Variants in PTBP2 observed in about 807,000 individuals in gnomAD.
PTBP2 encodes polypyrimidine tract binding protein 2.
A neutral mutation model predicts 61.4 loss-of-function variants in PTBP2; 13 were observed. The observed-to-expected ratio is 0.21, with a 90% CI of 0.14 to 0.34. The LOEUF (loss-of-function observed/expected upper bound fraction) is 0.34, where lower values mean the gene tolerates loss of function less well. Among genes scored for constraint, PTBP2 ranks in the 10% least tolerant of loss-of-function variants. The pLI is 1.00. For missense variants in PTBP2, 405 were observed against 642.6 expected (o/e 0.63, Z 4.00); for synonymous variants, 215 against 218.5 (o/e 0.98, Z 0.14).
At chr1:96,821,673 G>C (rs1447798278) in exon 14 of PTBP2, 1 of 151,948 alleles carries the variant, frequency 6.6e-6, no homozygotes, top group Non-Finnish European at 1.5e-5. Context: ...CTGTCACCCA[G>C]GCTGGAGTGC....
chr1:96,753,105 G>A (rs1304690131), intron 3 of PTBP2, among the ~76,000 whole-genome samples: 1 of 152,162 alleles, frequency 6.6e-6, no homozygotes, highest in Non-Finnish European at 1.5e-5. Flanking sequence ...GCAGAATTTA[G>A]TATGGTCATT....
At chr1:96,801,855 C>G (rs1206971901) in intron 8 of PTBP2, among the ~76,000 whole-genome samples, 1 of 140,446 alleles carries the variant, frequency 7.1e-6, no homozygotes, top group African/African-American at 2.7e-5. Flanking sequence ...GAGCAAGACT[C>G]CATCTCAAAA....
intron 2 of PTBP2, among the ~76,000 whole-genome samples, chr1:96,748,512 A>G (rs1311776350): frequency 6.6e-6 from 1 of 151,726 alleles, no homozygotes; most frequent in Non-Finnish European, 1.5e-5. Flanking sequence ...TTTCTGTGGG[A>G]TGTTAGTTTC....
intron 3 of PTBP2, among the ~76,000 whole-genome samples, chr1:96,764,023 A>G (rs1250142942): frequency 2.0e-5 from 3 of 152,206 alleles, no homozygotes; most frequent in African/African-American, 4.8e-5. Context: ...ATAGTACAGG[A>G]TTTCATTTTT....
intron 3 of PTBP2, among the ~76,000 whole-genome samples, chr1:96,755,713 A>G (rs1655074239): frequency 6.6e-6 from 1 of 152,200 alleles, no homozygotes; most frequent in Non-Finnish European, 1.5e-5. Flanking sequence ...CAATTATGTT[A>G]TGTAAAAGAT....
At chr1:96,740,716 A>G (rs1652884443) in intron 2 of PTBP2, among the ~76,000 whole-genome samples, 1 of 152,118 alleles carries the variant, frequency 6.6e-6, no homozygotes, top group African/African-American at 2.4e-5. Flanking sequence ...TGTTTAAACT[A>G]TAGATGTACT....
intron 5 of PTBP2, among the ~76,000 whole-genome samples, chr1:96,774,387 T>C (rs983532595): frequency 6.6e-6 from 1 of 152,152 alleles, no homozygotes; most frequent in Non-Finnish European, 1.5e-5. Context: ...TTTGGTTCCA[T>C]TCATTTTCTG....
chr1:96,748,895 G>T (rs1230188082), intron 2 of PTBP2, among the ~76,000 whole-genome samples: 1 of 152,128 alleles, frequency 6.6e-6, no homozygotes, highest in Non-Finnish European at 1.5e-5. Flanking sequence ...GGGCATAATA[G>T]TGGTAAGCTT....
rs189638624 is a variant in PTBP2, at chr1:96,778,702, C to T, written c.708+756C>T. On this transcript the variant is annotated intron_variant, in intron 7 of 13. Coordinates refer to ENST00000674951, the MANE Select transcript of PTBP2 (RefSeq NM_021190.4). The stretch of plus-strand genomic sequence containing the variant: ...ATTATGAAACCATTTAATAAGCTTA[C>T]ATTTATCTTAACTGGTTTTCTTCCT... 6.6e-5 allele frequency among the ~76,000 whole-genome samples: 10 copies of T among 152,130 alleles called. No homozygotes were observed. In the East Asian group the frequency reaches 1.7e-3, roughly 26 times the overall value.
In PTBP2 at chr1:96,812,849, C is replaced by T. The variant is rs1205521774; in HGVS notation, c.1309C>T (p.His437Tyr). Reference sequence around the variant, plus strand: ...AAAAGATTTTGGTAATTCCCCATTGCATCGTTTTAAGAAACCTGGATCCAA... The same window carrying T: ...AAAAGATTTTGGTAATTCCCCATTGTATCGTTTTAAGAAACCTGGATCCAA... ...LTKDFGNSPLHRFKKPGSKNF... is the reference protein window; with the variant it reads ...LTKDFGNSPLYRFKKPGSKNF... Residue 437 changes from histidine (H) to tyrosine (Y), a missense_variant, in exon 12 of 14, where the codon CAT becomes TAT. Physicochemically the swap from His to Tyr is moderately conservative, Grantham distance 83. This residue lies in a region of PTBP2 where 18 missense variants were observed against 69.6 expected (regional missense o/e 0.26). Coordinates refer to ENST00000674951, the MANE Select transcript of PTBP2 (RefSeq NM_021190.4). 6.2e-7 allele frequency: 1 copy of T among 1,613,712 alleles called. No individual in the cohort carries two copies. Among genetic ancestry groups the T allele is most frequent in the Admixed American group, 1.7e-5 (1 of 59,982 alleles).
At chr1:96,763,890 T>C (rs1656347138) in intron 3 of PTBP2, among the ~76,000 whole-genome samples, 1 of 152,158 alleles carries the variant, frequency 6.6e-6, no homozygotes, top group Admixed American at 6.5e-5. Context: ...TAAGAGCAAA[T>C]AGCATAAAAG....
At chr1:96,820,079 AAG>A (rs1662634352) in exon 14 of PTBP2, 1 of 151,960 alleles carries the variant, frequency 6.6e-6, no homozygotes, top group African/African-American at 2.4e-5. Flanking sequence ...ACATTGACAT[AAG>A]AGACATTTAA....
chr1:96,788,311 T>C (rs1423757109), intron 8 of PTBP2, among the ~76,000 whole-genome samples: 1 of 152,092 alleles, frequency 6.6e-6, no homozygotes, highest in Non-Finnish European at 1.5e-5. Context: ...GAAAAGTATT[T>C]TTCAATAATC....
intron 3 of PTBP2, among the ~76,000 whole-genome samples, chr1:96,768,083 A>G (rs927735396): frequency 2.0e-5 from 3 of 152,074 alleles, no homozygotes; most frequent in African/African-American, 7.2e-5. Flanking sequence ...CTGATCATCC[A>G]ATAAAGTCAT....
intron 8 of PTBP2, among the ~76,000 whole-genome samples, chr1:96,802,377 G>A (rs1378161369): frequency 6.6e-6 from 1 of 152,112 alleles, no homozygotes; most frequent in Non-Finnish European, 1.5e-5. Context: ...GAGATACAGA[G>A]TATTTTAATG....
chr1:96,806,531 T>G (rs988911025), intron 10 of PTBP2, 79 bp downstream of exon 10: 3 of 1,459,790 alleles, frequency 2.1e-6, no homozygotes, highest in Non-Finnish European at 2.9e-6. Context: ...AGCTAGCACT[T>G]TGGCTTAAAG....
At chr1:96,783,149 C>T (rs1658876154) in intron 7 of PTBP2, among the ~76,000 whole-genome samples, 1 of 151,912 alleles carries the variant, frequency 6.6e-6, no homozygotes, top group South Asian at 2.1e-4. Flanking sequence ...TTGAAGTGAG[C>T]TTGCATATAT....
At chr1:96,757,934 C>G (rs966816547) in intron 3 of PTBP2, among the ~76,000 whole-genome samples, 2 of 151,740 alleles carry the variant, frequency 1.3e-5, no homozygotes, top group African/African-American at 4.8e-5. Flanking sequence ...CTTCAAATAC[C>G]TATATTACAA....
Position 96,723,806 on chromosome 1 carries a change from G to A in PTBP2, c.39+212G>A, listed in dbSNP as rs1024650926. Among the ~76,000 whole-genome samples, 5 of 152,156 alleles carry A rather than the reference G, an allele frequency of 3.3e-5. 1 individual carries two copies. In the South Asian group the frequency reaches 1.0e-3, roughly 31 times the overall value. ...CAGTCTGTAAGAATAACCTTTTAAAGTAAGTATGAATGATCAAGAAATTGA... is the reference window on the plus strand; with the variant it reads ...CAGTCTGTAAGAATAACCTTTTAAAATAAGTATGAATGATCAAGAAATTGA... On this transcript the variant is annotated intron_variant, in intron 2 of 13. Coordinates refer to ENST00000674951, the MANE Select transcript of PTBP2 (RefSeq NM_021190.4).
Sources: gnomAD v4.1 joint callset for allele counts (sites outside exome capture counted in the v4.1 genomes callset) on GRCh38, gnomAD v4.1.1 for gene constraint, gnomAD v4.1.1 regional missense constraint, MANE v1.5 for transcripts, NCBI Gene and HGNC (gene_info 2026-07-23, HGNC 2026-07-21) for gene names.